FAF2: variants seen among roughly 807,000 people sequenced by gnomAD.
FAF2 encodes Fas associated factor family member 2, also known as FAS-associated factor 2.
FAF2 carries 9 observed loss-of-function variants against 62.3 expected under a neutral mutation model. The observed-to-expected ratio is 0.14, with a 90% CI of 0.09 to 0.25. The LOEUF (loss-of-function observed/expected upper bound fraction) is 0.25. Ranked by LOEUF, FAF2 falls within the 10% of genes least tolerant of loss-of-function variation. FAF2 has a pLI of 1.00. For synonymous variants in FAF2, 202 were observed against 198.0 expected, an observed-to-expected ratio of 1.02 and a Z score of -0.17; for missense variants, 368 against 556.2, an observed-to-expected ratio of 0.66 and a Z score of 3.40.
At chr5:176,454,897 T>C (rs569988102) in intron 1 of FAF2, among the ~76,000 whole-genome samples, 1 of 152,334 alleles carries the variant, frequency 6.6e-6, no homozygotes, top group South Asian at 2.1e-4. Context: ...ACCAGTCAAG[T>C]TGTATTCCTG....
intron 2 of FAF2, among the ~76,000 whole-genome samples, chr5:176,482,051 C>T (rs79629797): frequency 0.094 from 14,331 of 152,032 alleles, 945 homozygotes; most frequent in East Asian, 0.28. Flanking sequence ...TCATACTCAC[C>T]CTAGTGATCT....
intron 10 of FAF2, among the ~76,000 whole-genome samples, chr5:176,501,660 A>G (rs543905506): frequency 7.8e-4 from 119 of 152,394 alleles, no homozygotes; most frequent in African/African-American, 2.8e-3. Flanking sequence ...AATTAAAGTT[A>G]TGAAACATTT....
chr5:176,498,851 T>C, intron 8 of FAF2, 63 bp from the exon 9 acceptor site: 1 of 1,417,114 alleles, frequency 7.1e-7, no homozygotes, highest in South Asian at 1.7e-5. Flanking sequence ...GATTTCAATA[T>C]AAGAAAACAC....
intron 1 of FAF2, among the ~76,000 whole-genome samples, chr5:176,464,379 C>T (rs1390295701): frequency 1.3e-5 from 2 of 151,746 alleles, no homozygotes; most frequent in East Asian, 1.9e-4. Context: ...CCATTTGGGT[C>T]TAATCAGTTA....
At chr5:176,493,470 T>C (rs1159561872) in intron 5 of FAF2, among the ~76,000 whole-genome samples, 1 of 152,260 alleles carries the variant, frequency 6.6e-6, no homozygotes, top group Non-Finnish European at 1.5e-5. Context: ...TCTTCGGCGC[T>C]AGCCTTGTCT....
At chr5:176,501,516 G>A (rs1264532866) in intron 10 of FAF2, among the ~76,000 whole-genome samples, 1 of 152,162 alleles carries the variant, frequency 6.6e-6, no homozygotes. Context: ...CCTCTGATAA[G>A]TTTAAACTGA....
chr5:176,501,320 G>A (rs1373050883), intron 10 of FAF2, among the ~76,000 whole-genome samples: 3 of 152,170 alleles, frequency 2.0e-5, no homozygotes, highest in African/African-American at 7.2e-5. Context: ...AGTGGATTCT[G>A]CAGTTTCCCT....
At chr5:176,464,748 T>G (rs530153780) in intron 1 of FAF2, among the ~76,000 whole-genome samples, 3 of 151,978 alleles carry the variant, frequency 2.0e-5, no homozygotes, top group South Asian at 2.1e-4. Context: ...GATATTAGTT[T>G]TTTTTTTTTT....
chr5:176,504,630 A>C (rs910259174), intron 10 of FAF2, among the ~76,000 whole-genome samples: 12 of 152,176 alleles, frequency 7.9e-5, no homozygotes, highest in African/African-American at 2.7e-4. Context: ...CATACCAAGA[A>C]TACTTGGTGT....
intron 1 of FAF2, among the ~76,000 whole-genome samples, chr5:176,474,418 A>G (rs1400158163): frequency 5.3e-5 from 8 of 152,072 alleles, no homozygotes; most frequent in African/African-American, 1.9e-4. Context: ...CTTTAGTCTT[A>G]TAGACTTCAT....
chr5:176,493,436 C>T (rs770986226), intron 5 of FAF2, among the ~76,000 whole-genome samples: 3 of 152,196 alleles, frequency 2.0e-5, no homozygotes, highest in Non-Finnish European at 4.4e-5. Flanking sequence ...CAGGAGCACG[C>T]ACATGCAGGA....
rs1342799092 is a variant in FAF2 at position 176,509,200 on chromosome 5, C to A, written c.*2250C>A. On this transcript the variant is annotated 3_prime_UTR_variant, in exon 11 of 11. Coordinates refer to ENST00000261942, the MANE Select transcript of FAF2 (RefSeq NM_014613.3). ...TTGAAACAGTTCTGCTTTACTGAGA[C>A]CCTAGGCCGGTCTCCTTGCTGACCC... The A allele has an allele frequency of 6.6e-6, 1 of 152,176 alleles. No homozygotes were observed. The highest frequency in any genetic ancestry group is 1.5e-5 in the Non-Finnish European group (1 of 68,044). The allele number at this position is 152,176 out of a possible 1,614,324, so 9.4% of individuals were successfully genotyped here.
At chr5:176,504,664 A>G (rs975714328) in intron 10 of FAF2, among the ~76,000 whole-genome samples, 1 of 152,216 alleles carries the variant, frequency 6.6e-6, no homozygotes, top group African/African-American at 2.4e-5. Flanking sequence ...GCATGTTAAG[A>G]AAGAGTGAAC....
rs1043404476 is a variant in FAF2, at chr5:176,509,576, C to G, written c.*2626C>G. The G allele has an allele frequency of 6.6e-6, 1 of 152,554 alleles. No homozygotes were observed. The highest frequency in any genetic ancestry group is 6.6e-5 in the Admixed American group (1 of 15,254). The allele number at this position is 152,554 out of a possible 1,614,324, so 9.5% of individuals were successfully genotyped here. A position where few individuals can be genotyped will look rare whatever the true frequency, so the allele number is the denominator to read the frequency against. ...GATTGGAGTCAGTTGAATATTTGTA[C>G]CCTCAGTGGAGCCCTTCTGGTCTTT... On this transcript the variant is annotated 3_prime_UTR_variant, in exon 11 of 11. Coordinates refer to ENST00000261942, the MANE Select transcript of FAF2 (RefSeq NM_014613.3).
intron 1 of FAF2, among the ~76,000 whole-genome samples, chr5:176,467,778 T>C (rs114235323): frequency 0.013 from 1,961 of 152,342 alleles, 47 homozygotes; most frequent in African/African-American, 0.043. Flanking sequence ...AATATCTGTC[T>C]TACAGGATTG....
At chr5:176,460,762 GCAA>G (rs1197501034) in intron 1 of FAF2, among the ~76,000 whole-genome samples, 1 of 151,894 alleles carries the variant, frequency 6.6e-6, no homozygotes, top group Non-Finnish European at 1.5e-5. Context: ...ACCAGCCTGG[GCAA>G]CATTGCAAGA....
chr5:176,450,057 A>G (rs1758136300), intron 1 of FAF2, among the ~76,000 whole-genome samples: 1 of 152,248 alleles, frequency 6.6e-6, no homozygotes, highest in Non-Finnish European at 1.5e-5. Flanking sequence ...TTCAGTGTAC[A>G]GTTGAGTGTG....
At chr5:176,464,024 C>T (rs1184067652) in intron 1 of FAF2, among the ~76,000 whole-genome samples, 2 of 152,108 alleles carry the variant, frequency 1.3e-5, no homozygotes, top group Non-Finnish European at 2.9e-5. Context: ...GCCACTGTGC[C>T]GGGCCTTAAA....
intron 1 of FAF2, among the ~76,000 whole-genome samples, chr5:176,463,902 G>A (rs1322894405): frequency 1.3e-5 from 2 of 151,878 alleles, no homozygotes; most frequent in African/African-American, 2.4e-5. Context: ...GCTAATTTTT[G>A]TAGTTTTAGT....
Sources: allele counts gnomAD v4.1 joint callset (sites outside exome capture counted in the v4.1 genomes callset), GRCh38; gene constraint gnomAD v4.1.1; transcripts MANE v1.5; gene names NCBI Gene and HGNC (gene_info 2026-07-23, HGNC 2026-07-21).